AMPH: variants seen among roughly 807,000 people sequenced by gnomAD.
The protein encoded by AMPH is amphiphysin (Stiff-Mann syndrome with breast cancer 128kD autoantigen).
Under a neutral mutation model 99.1 loss-of-function variants are expected in AMPH, and 49 were observed. That is an observed-to-expected ratio of 0.49 (90% CI 0.39 to 0.63). AMPH has a LOEUF of 0.63. AMPH is among the 20% of genes least tolerant of loss of function. AMPH has a pLI of 0.00. For synonymous variants in AMPH, 314 were observed against 317.3 expected (o/e 0.99, Z 0.11); for missense variants, 759 against 863.4 (o/e 0.88, Z 1.52).
At chr7:38,385,405 A>G (rs1251015776) in intron 20 of AMPH, among the ~76,000 whole-genome samples, 2 of 152,190 alleles carry the variant, frequency 1.3e-5, no homozygotes, top group Admixed American at 6.5e-5. Flanking sequence ...GGAATATCTT[A>G]TATTTCATCC....
At chr7:38,437,756 A>G (rs1307315860) in intron 11 of AMPH, among the ~76,000 whole-genome samples, 1 of 152,000 alleles carries the variant, frequency 6.6e-6, no homozygotes, top group African/African-American at 2.4e-5. Flanking sequence ...GTGAGCTGAG[A>G]TCATGCCACT....
intron 1 of AMPH, among the ~76,000 whole-genome samples, chr7:38,609,978 C>G (rs1404588418): frequency 6.6e-6 from 1 of 151,540 alleles, no homozygotes; most frequent in Non-Finnish European, 1.5e-5. Flanking sequence ...TGTAATCCCA[C>G]CTGAGGGATC....
In AMPH at chr7:38,394,222, GC is replaced by G; in HGVS notation, c.1399-9del. Reference sequence around the variant, plus strand: ...ATCAGCTCCAGGTATGATCTGCAGGGCAGAAACCAGCAGGCCACGTCTGCAT... The same window carrying G: ...ATCAGCTCCAGGTATGATCTGCAGGGAGAAACCAGCAGGCCACGTCTGCAT... On this transcript the variant is annotated splice_polypyrimidine_tract_variant and intron_variant, in intron 17 of 20. Transcript: ENST00000356264. The G allele has an allele frequency of 6.2e-7, 1 of 1,613,762 alleles. No homozygotes were observed. The highest frequency in any genetic ancestry group is 8.5e-7 in the Non-Finnish European group (1 of 1,179,962).
At chr7:38,393,657 G>T (rs1340389756) in intron 18 of AMPH, among the ~76,000 whole-genome samples, 1 of 151,714 alleles carries the variant, frequency 6.6e-6, no homozygotes, top group African/African-American at 2.4e-5. Flanking sequence ...TTCTCCCTGG[G>T]CTGAGTGCTC....
At chr7:38,493,389 T>C (rs1283470167) in intron 4 of AMPH, among the ~76,000 whole-genome samples, 3 of 152,192 alleles carry the variant, frequency 2.0e-5, no homozygotes, top group Admixed American at 6.5e-5. Context: ...AATCATAATA[T>C]GTACCAAACA....
intron 2 of AMPH, among the ~76,000 whole-genome samples, chr7:38,533,649 T>A (rs1400717835): frequency 6.6e-6 from 1 of 152,170 alleles, no homozygotes; most frequent in Non-Finnish European, 1.5e-5. Flanking sequence ...CTGTGATGAT[T>A]TCCCATTATT....
chr7:38,532,750 AAAAC>A lies in AMPH; in HGVS notation c.150+2177_150+2180del, dbSNP rs890309596. Among the ~76,000 whole-genome samples, 33 of 142,672 alleles carry A rather than the reference AAAAC, an allele frequency of 2.3e-4. 1 individual carries two copies. The highest frequency in any genetic ancestry group is 7.7e-4 in the African/African-American group (31 of 40,464). 93.6% of individuals were successfully genotyped at this position (142,672 alleles called of 152,430 possible). A position where few individuals can be genotyped will look rare whatever the true frequency, so the allele number is the denominator to read the frequency against. Reference sequence around the variant, plus strand: ...AGTCAAGAAAGCTGGGAAAAAAAAAAAAACAATGAAAATTCACTGTAATCGGAAA... The same window carrying A: ...AGTCAAGAAAGCTGGGAAAAAAAAAAAATGAAAATTCACTGTAATCGGAAA... On this transcript the variant is annotated intron_variant, in intron 2 of 20. Transcript: ENST00000356264.
At chr7:38,509,922 A>C (rs1438266202) in intron 2 of AMPH, among the ~76,000 whole-genome samples, 1 of 151,942 alleles carries the variant, frequency 6.6e-6, no homozygotes, top group Non-Finnish European at 1.5e-5. Context: ...CAAATCAGAC[A>C]GCACGTACAA....
intron 1 of AMPH, among the ~76,000 whole-genome samples, chr7:38,616,136 C>A (rs1292639495): frequency 6.6e-6 from 1 of 152,160 alleles, no homozygotes; most frequent in Non-Finnish European, 1.5e-5. Flanking sequence ...ACCATGTGTA[C>A]ATCTCCTCTG....
chr7:38,409,738 C>T (rs763597892), intron 17 of AMPH, among the ~76,000 whole-genome samples: 10 of 152,144 alleles, frequency 6.6e-5, no homozygotes, highest in Non-Finnish European at 1.5e-4. Context: ...GCACTGTTGC[C>T]ATGGCAACGT....
intron 2 of AMPH, among the ~76,000 whole-genome samples, chr7:38,529,066 G>A (rs1200007949): frequency 6.6e-6 from 1 of 152,102 alleles, no homozygotes; most frequent in Admixed American, 6.6e-5. Context: ...ATTAAGGTGT[G>A]AGCAGGGACT....
At chr7:38,595,690 C>T (rs1415882456) in intron 1 of AMPH, among the ~76,000 whole-genome samples, 2 of 151,992 alleles carry the variant, frequency 1.3e-5, no homozygotes, top group African/African-American at 2.4e-5. Context: ...GACACAGTAC[C>T]CATTTGGTAA....
chr7:38,569,474 C>T (rs115875401), intron 1 of AMPH, among the ~76,000 whole-genome samples: 2,212 of 151,560 alleles, frequency 0.015, 61 homozygotes, highest in African/African-American at 0.051. Context: ...ATATGAAAAA[C>T]AGAACCACCT....
At chr7:38,608,466 C>T (rs989320870) in intron 1 of AMPH, among the ~76,000 whole-genome samples, 2 of 152,252 alleles carry the variant, frequency 1.3e-5, no homozygotes, top group African/African-American at 4.8e-5. Flanking sequence ...TGGGGAGCTC[C>T]CTGTCTTCCT....
intron 1 of AMPH, among the ~76,000 whole-genome samples, chr7:38,629,808 C>T (rs1322051462): frequency 2.0e-5 from 3 of 152,238 alleles, no homozygotes; most frequent in Middle Eastern, 3.4e-3. Flanking sequence ...ACTTTCTGCA[C>T]AAGTAACCCG....
intron 16 of AMPH, among the ~76,000 whole-genome samples, chr7:38,418,741 G>A (rs1785481870): frequency 6.6e-6 from 1 of 152,046 alleles, no homozygotes; most frequent in Non-Finnish European, 1.5e-5. Flanking sequence ...TATTCTCCAT[G>A]GTTTCAATTA....
At chr7:38,402,381 T>A (rs1236885349) in intron 17 of AMPH, among the ~76,000 whole-genome samples, 11 of 152,266 alleles carry the variant, frequency 7.2e-5, no homozygotes, top group African/African-American at 2.7e-4. Context: ...TCTTTTGTAT[T>A]GCTCTATAGG....
At chr7:38,500,339 T>C (rs1290761333) in intron 3 of AMPH, among the ~76,000 whole-genome samples, 1 of 152,192 alleles carries the variant, frequency 6.6e-6, no homozygotes, top group African/African-American at 2.4e-5. Flanking sequence ...GGAGCATCGC[T>C]TGTTAACATA....
At chr7:38,467,640 A>ATG (rs70977407) in intron 7 of AMPH, among the ~76,000 whole-genome samples, 2,232 of 148,658 alleles carry the variant, frequency 0.015, 38 homozygotes, top group African/African-American at 0.037. Context: ...CAATGGAAAT[A>ATG]TGTGTGTGTG....
Sources: gnomAD v4.1 joint callset for allele counts (sites outside exome capture counted in the v4.1 genomes callset) on GRCh38, gnomAD v4.1.1 for gene constraint, MANE v1.5 for transcripts, NCBI Gene and HGNC (gene_info 2026-07-23, HGNC 2026-07-21) for gene names.